The following CEP104 variants were observed in gnomAD, a reference collection of about 807,000 sequenced individuals.
The protein encoded by CEP104 is centrosomal protein 104.
CEP104 carries 84 observed loss-of-function variants against 113.3 expected under a neutral mutation model. The observed-to-expected ratio is 0.74, with a 90% CI of 0.62 to 0.89. The LOEUF (loss-of-function observed/expected upper bound fraction) is 0.89, where lower values mean the gene tolerates loss of function less well. CEP104 is among the 40% of genes least tolerant of loss of function. The probability of loss-of-function intolerance (pLI) is 0.00; values close to 1 mark genes in which losing one functional copy is unlikely to be tolerated. For missense variants in CEP104, 1,053 were observed against 1,156.6 expected (o/e 0.91, Z 1.30); for synonymous variants, 378 against 421.7 (o/e 0.90, Z 1.27).
At chr1:3,816,164 T>G in intron 21 of CEP104, 116 bp downstream of exon 21, 1 of 830,226 alleles carries the variant, frequency 1.2e-6, no homozygotes, top group Non-Finnish European at 1.8e-6. Flanking sequence ...TTGGATGCTT[T>G]ATTTTGCTTT....
intron 3 of CEP104, among the ~76,000 whole-genome samples, chr1:3,848,156 G>C (rs60475231): frequency 0.036 from 5,454 of 152,170 alleles, 359 homozygotes; most frequent in African/African-American, 0.12. Flanking sequence ...TTCAATAAGA[G>C]GCAGGTGTTA....
intron 12 of CEP104, among the ~76,000 whole-genome samples, chr1:3,831,698 T>G (rs534471246): frequency 1.3e-5 from 2 of 152,358 alleles, no homozygotes; most frequent in South Asian, 4.1e-4. Flanking sequence ...ATTACATATT[T>G]GAATGTCTCT....
chr1:3,822,122 T>C (rs963121437), intron 20 of CEP104, among the ~76,000 whole-genome samples: 23 of 151,526 alleles, frequency 1.5e-4, no homozygotes, highest in African/African-American at 5.6e-4. Context: ...ACGGGCTGAG[T>C]TGCTAGTTGC....
intron 1 of CEP104, among the ~76,000 whole-genome samples, chr1:3,855,275 G>A (rs1018858870): frequency 6.6e-5 from 10 of 150,690 alleles, no homozygotes; most frequent in South Asian, 2.1e-4. Flanking sequence ...ATGAACTCTC[G>A]GGCTCAAATG....
At position 3,833,624 on chromosome 1, in the gene CEP104, A is replaced by G. The variant is rs1644257308; in HGVS notation, c.1659+238T>C. The G allele has an allele frequency of 7.9e-6, 3 of 379,714 alleles. No individual in the cohort carries two copies. In the South Asian group the frequency reaches 3.1e-4, roughly 39 times the overall value. The allele number at this position is 379,714 out of a possible 1,614,324, so 23.5% of individuals were successfully genotyped here. On this transcript the variant is annotated intron_variant, in intron 12 of 21. Coordinates refer to ENST00000378230, the MANE Select transcript of CEP104 (RefSeq NM_014704.4). ...CTGTGTGTTTTTATTTATTTAAAAAATTAATGGCATATGTTGGATAAAAAA... is the reference window on the plus strand; with the variant it reads ...CTGTGTGTTTTTATTTATTTAAAAAGTTAATGGCATATGTTGGATAAAAAA...
chr1:3,823,316 G>A lies in CEP104; in HGVS notation c.2504-75C>T. 1 of 1,605,138 alleles carries A rather than the reference G, an allele frequency of 6.2e-7. No homozygotes were observed. Among genetic ancestry groups the A allele is most frequent in the Admixed American group, 1.7e-5 (1 of 60,018 alleles). On this transcript the variant is annotated intron_variant, in intron 19 of 21. Transcript: ENST00000378230. The surrounding 1 kb of genome is among the most constrained non-coding windows in gnomAD (Gnocchi z 4.1). ...AGACATGCTGCTGGCCTGCCCGCAG[G>A]TGCCCTTTAATTCACCAAGCCCTTG...
At chr1:3,853,400 C>CG (rs141921756) in intron 1 of CEP104, among the ~76,000 whole-genome samples, 5,984 of 140,092 alleles carry the variant, frequency 0.043, 414 homozygotes, top group African/African-American at 0.14. Flanking sequence ...TCTAAATCAT[C>CG]GGGGGAAAAA....
rs138340436 is a variant in CEP104, at chr1:3,823,556, C to T, written c.2371G>A (p.Glu791Lys). 11 of 1,614,228 alleles carry T rather than the reference C, an allele frequency of 6.8e-6. No individual in the cohort carries two copies. Among genetic ancestry groups the T allele is most frequent in the South Asian group, 1.1e-5 (1 of 91,084 alleles). Residue 791 changes from glutamate to lysine, a missense_variant, in exon 19 of 22, where the codon GAG (glutamate) becomes AAG (lysine). By Grantham distance (56) the Glu-to-Lys change is moderately conservative. Transcript: ENST00000378230. This position sits in a 1 kb window ranked among gnomAD's most constrained non-coding sequence, Gnocchi z 4.1. ...AAGTGCTCCGTCAGACTGGATATCT[C>T]GACCACCTGGATTTCGAAATACAGA... ...TRCDHCKQVV[E>K]ISSLTEHLLT...
Position 3,830,013 on chromosome 1 carries a change from G to C in CEP104, c.1837-16C>G. 6.4e-7 allele frequency: 1 copy of C among 1,574,352 alleles called. No individual in the cohort carries two copies. Among genetic ancestry groups the C allele is most frequent in the Non-Finnish European group, 8.7e-7 (1 of 1,144,102 alleles). ...TCACTGAAAACTAAAGTTGGGAGGG[G>C]CTCTTGTTACTCATTCTTAAAATAA... On this transcript the variant is annotated splice_polypyrimidine_tract_variant and intron_variant, in intron 13 of 21. Transcript: ENST00000378230.
chr1:3,847,197 C>T (rs1420512451), intron 4 of CEP104, among the ~76,000 whole-genome samples: 1 of 152,210 alleles, frequency 6.6e-6, no homozygotes, highest in Non-Finnish European at 1.5e-5. Context: ...TTCTCATGAA[C>T]TCTTTCGCGT....
At chr1:3,827,234 T>G (rs941258926) in intron 15 of CEP104, among the ~76,000 whole-genome samples, 4 of 152,136 alleles carry the variant, frequency 2.6e-5, no homozygotes, top group African/African-American at 9.7e-5. Flanking sequence ...TTATCATTAT[T>G]TTTAGACAGG....
At chr1:3,835,603 C>T (rs1026597809) in intron 10 of CEP104, among the ~76,000 whole-genome samples, 1 of 152,336 alleles carries the variant, frequency 6.6e-6, no homozygotes, top group Middle Eastern at 3.4e-3. Context: ...GAACTCCTGA[C>T]CTCGTGATCC....
At chr1:3,827,978 C>T (rs914328991) in intron 15 of CEP104, among the ~76,000 whole-genome samples, 1 of 152,216 alleles carries the variant, frequency 6.6e-6, no homozygotes, top group African/African-American at 2.4e-5. Flanking sequence ...TGCAGGCTCT[C>T]AGGACAGCTG....
In CEP104 at chr1:3,823,458, C is replaced by T. The variant is rs773724253; in HGVS notation, c.2469G>A (p.Glu823=). 6.2e-7 allele frequency: 1 copy of T among 1,614,242 alleles called. No individual in the cohort carries two copies. Among genetic ancestry groups the T allele is most frequent in the East Asian group, 2.2e-5 (1 of 44,892 alleles). Residue 823 remains glutamate, a synonymous_variant, in exon 19 of 22, where the codon GAG becomes GAA. Transcript: ENST00000378230. The surrounding 1 kb of genome is among the most constrained non-coding windows in gnomAD (Gnocchi z 4.1). ...CCTTGTGTTTTATGTGTCTGGGCAG[C>T]TCTTCCTTGAAAACAGCCTCACTGC... is the stretch of plus-strand genomic sequence containing the variant. ...YRCSEAVFKE[E]LPRHIKHKDC...
intron 18 of CEP104, among the ~76,000 whole-genome samples, chr1:3,824,799 T>TGTGGGAAGGGGGCAGTGGCACG (rs1644051625): frequency 1.3e-5 from 2 of 150,018 alleles, no homozygotes; most frequent in African/African-American, 2.5e-5. Context: ...GCAGTGCCAC[T>TGTGGGAAGGGGGCAGTGGCACG]GTGGGAAGGG....
chr1:3,839,217 G>A, intron 7 of CEP104, 98 bp from the exon 8 acceptor site: 2 of 1,086,292 alleles, frequency 1.8e-6, no homozygotes, highest in Non-Finnish European at 2.8e-6. Context: ...CGTCTTGCAA[G>A]GAGAGGGAGT....
intron 10 of CEP104, 67 bp from the exon 11 acceptor site, chr1:3,835,159 G>A (rs971897788): frequency 1.4e-5 from 18 of 1,255,922 alleles, no homozygotes; most frequent in Non-Finnish European, 1.9e-5. Context: ...CAACTTGAAG[G>A]CTTTGTTTTT....
At chr1:3,841,315 T>TC (rs1358434839) in intron 6 of CEP104, among the ~76,000 whole-genome samples, 1 of 149,940 alleles carries the variant, frequency 6.7e-6, no homozygotes, top group Admixed American at 6.6e-5. Flanking sequence ...ACCCTTGAGG[T>TC]CACGGTACTT....
chr1:3,847,929 G>T (rs974617617), intron 3 of CEP104, among the ~76,000 whole-genome samples: 1 of 151,938 alleles, frequency 6.6e-6, no homozygotes, highest in African/African-American at 2.4e-5. Context: ...CCACCTCCCG[G>T]GTTCAAGCAA....
Sources: allele counts gnomAD v4.1 joint callset (sites outside exome capture counted in the v4.1 genomes callset), GRCh38; gene constraint gnomAD v4.1.1; non-coding constraint Gnocchi (gnomAD v3.1); transcripts MANE v1.5; gene names NCBI Gene and HGNC (gene_info 2026-07-23, HGNC 2026-07-21).